The following PITPNM2 variants were observed in gnomAD, a reference collection of about 807,000 sequenced individuals.
PITPNM2 encodes phosphatidylinositol transfer protein membrane associated 2.
PITPNM2 carries 35 observed loss-of-function variants against 132.2 expected under a neutral mutation model. That is an observed-to-expected ratio of 0.26 (90% CI 0.20 to 0.35). PITPNM2 has a LOEUF of 0.35. Among genes scored for constraint, PITPNM2 ranks in the 10% least tolerant of loss-of-function variants. The probability of loss-of-function intolerance (pLI) is 1.00; values close to 1 mark genes in which losing one functional copy is unlikely to be tolerated. For synonymous variants in PITPNM2, 738 were observed against 799.2 expected, an observed-to-expected ratio of 0.92 and a Z score of 1.29; for missense variants, 1,332 against 1,912.0, an observed-to-expected ratio of 0.70 and a Z score of 5.66.
In PITPNM2 at chr12:122,988,772, G is replaced by A. The variant is rs758427871; in HGVS notation, c.2832C>T (p.His944=). 10 of 1,578,334 alleles carry A rather than the reference G, an allele frequency of 6.3e-6. No homozygotes were observed. The highest frequency in any genetic ancestry group is 2.7e-5 in the African/African-American group (2 of 74,338). ...CGTCTGTTGACTCCCAGTAGCTGGC[G>A]TGGAAGAGGTGAGGCAGAGCCACCG... ...FPTVALPHLF[H]ASYWESTDVV... Residue 944 remains histidine (H), a synonymous_variant, in exon 19 of 26, where the codon CAC becomes CAT. Transcript: ENST00000320201.
In PITPNM2 at chr12:122,996,754, G is replaced by A; in HGVS notation, c.1629C>T (p.Ile543=). 6.2e-7 allele frequency: 1 copy of A among 1,612,220 alleles called. No individual in the cohort carries two copies. Among genetic ancestry groups the A allele is most frequent in the Non-Finnish European group, 8.5e-7 (1 of 1,179,544 alleles). ...TGAAGGTCATGCCCTCCTGGGACTT[G>A]ATGAAGTCCCCATAGGCAAGGTTGG... ...QRANLAYGDF[I]KSQEGMTFNG... The change falls in exon 12 of 26, where the codon ATC becomes ATT. Residue 543 remains isoleucine, a synonymous_variant. Coordinates refer to ENST00000320201, the MANE Select transcript of PITPNM2 (RefSeq NM_020845.3).
chr12:123,103,179 T>C (rs915209459), intron 2 of PITPNM2, among the ~76,000 whole-genome samples: 13 of 152,192 alleles, frequency 8.5e-5, no homozygotes, highest in African/African-American at 3.1e-4. Flanking sequence ...GAGAAGTTGT[T>C]TTAGTGACTG....
chr12:123,131,334 G>C (rs2043257271), intron 1 of PITPNM2, among the ~76,000 whole-genome samples: 1 of 152,174 alleles, frequency 6.6e-6, no homozygotes, highest in South Asian at 2.1e-4. Context: ...GTGTCTTCAA[G>C]TCAAGGAATG....
At position 123,150,524 on chromosome 12, in the gene PITPNM2, A is replaced by G. The variant is rs759885783; in HGVS notation, c.-200+229T>C. Among the ~76,000 whole-genome samples, 4 of 151,836 alleles carry G rather than the reference A, an allele frequency of 2.6e-5. No individual in the cohort carries two copies. The highest frequency in any genetic ancestry group is 5.9e-5 in the Non-Finnish European group (4 of 67,926). ...GGCACGGATCCAGGGCCGGCGACTC[A>G]CTGAGGCCAGGCTCGGGCGGTCTCC... On this transcript the variant is annotated intron_variant, in intron 1 of 25. Transcript: ENST00000320201. This position sits in a 1 kb window ranked among gnomAD's most constrained non-coding sequence, Gnocchi z 6.0.
intron 16 of PITPNM2, chr12:122,991,717 C>T (rs771424502): frequency 1.9e-5 from 24 of 1,293,572 alleles, no homozygotes; most frequent in East Asian, 2.8e-5. Flanking sequence ...GGTCAACCAA[C>T]GAAGCAGACG....
At chr12:123,055,891 G>GAC (rs34425339) in intron 2 of PITPNM2, among the ~76,000 whole-genome samples, 4,972 of 148,976 alleles carry the variant, frequency 0.033, 209 homozygotes, top group African/African-American at 0.1. Flanking sequence ...ATAGTTTGAA[G>GAC]ACACACACAC....
chr12:123,000,458 G>A lies in PITPNM2; in HGVS notation c.1224+320C>T, dbSNP rs776966947. On this transcript the variant is annotated intron_variant, in intron 10 of 25. Transcript: ENST00000320201. This position sits in a 1 kb window ranked among gnomAD's most constrained non-coding sequence, Gnocchi z 5.4. Reference sequence around the variant, plus strand: ...GGGACAGCAGACAGGCTGGGCACAAGGTGAAGATCTTATTTTTGATCTGGA... The same window carrying A: ...GGGACAGCAGACAGGCTGGGCACAAAGTGAAGATCTTATTTTTGATCTGGA... The A allele has an allele frequency of 4.3e-6, 3 of 702,870 alleles. No homozygotes were observed. Among genetic ancestry groups the A allele is most frequent in the South Asian group, 3.0e-5 (2 of 67,588 alleles). The allele number at this position is 702,870 out of a possible 1,614,324, so 43.5% of individuals were successfully genotyped here.
chr12:123,084,100 G>T (rs928305927), intron 2 of PITPNM2: 2 of 152,382 alleles, frequency 1.3e-5, no homozygotes, highest in Non-Finnish European at 2.9e-5. Context: ...CTAAAGAGAG[G>T]GCAGCAGCTG....
At chr12:123,070,563 A>G (rs1187705225) in intron 2 of PITPNM2, among the ~76,000 whole-genome samples, 1 of 152,204 alleles carries the variant, frequency 6.6e-6, no homozygotes, top group Non-Finnish European at 1.5e-5. Flanking sequence ...GAGTCTGGGA[A>G]GCAGGCGATG....
At chr12:123,129,222 G>A (rs925665391) in intron 1 of PITPNM2, among the ~76,000 whole-genome samples, 8 of 151,750 alleles carry the variant, frequency 5.3e-5, no homozygotes, top group South Asian at 2.1e-4. Context: ...AATCCCTTAA[G>A]CCCAGGAGTT....
chr12:123,105,316 A>C (rs2042681845), intron 2 of PITPNM2: 1 of 152,184 alleles, frequency 6.6e-6, no homozygotes, highest in Non-Finnish European at 1.5e-5. Context: ...ACATTTTATC[A>C]CGTCTTTATG....
At chr12:123,067,736 T>C (rs1483976168) in intron 2 of PITPNM2, among the ~76,000 whole-genome samples, 1 of 152,196 alleles carries the variant, frequency 6.6e-6, no homozygotes, top group Non-Finnish European at 1.5e-5. Context: ...GTTTAGGCCA[T>C]GCAGTTTGTG....
chr12:123,124,346 C>T (rs2043093911), intron 1 of PITPNM2, among the ~76,000 whole-genome samples: 1 of 152,020 alleles, frequency 6.6e-6, no homozygotes, highest in Non-Finnish European at 1.5e-5. Context: ...GCAGGAGAAT[C>T]ACTTGAACCC....
At position 123,146,252 on chromosome 12, in the gene PITPNM2, C is replaced by A. The variant is rs2043616047; in HGVS notation, c.-200+4501G>T. 2.0e-5 allele frequency among the ~76,000 whole-genome samples: 3 copies of A among 152,212 alleles called. No individual in the cohort carries two copies. In the South Asian group the frequency reaches 6.2e-4, roughly 32 times the overall value. ...TGAAATGATCTGTATAACAAGCCCT[C>A]ATGACACAAGTCTACCGACACAACA... is the stretch of plus-strand genomic sequence containing the variant. On this transcript the variant is annotated intron_variant, in intron 1 of 25. Coordinates refer to ENST00000320201, the MANE Select transcript of PITPNM2 (RefSeq NM_020845.3).
intron 1 of PITPNM2, among the ~76,000 whole-genome samples, chr12:123,136,904 T>A (rs1254175034): frequency 6.6e-6 from 1 of 152,064 alleles, no homozygotes; most frequent in Non-Finnish European, 1.5e-5. Context: ...AAAAAAATAA[T>A]AATAATAATT....
chr12:123,141,211 T>C (rs1338874796), intron 1 of PITPNM2, among the ~76,000 whole-genome samples: 1 of 152,092 alleles, frequency 6.6e-6, no homozygotes, highest in African/African-American at 2.4e-5. Flanking sequence ...ACACAAAAAA[T>C]GAAAGCACTG....
intron 2 of PITPNM2, among the ~76,000 whole-genome samples, chr12:123,085,328 C>T (rs1318791972): frequency 2.0e-5 from 3 of 152,172 alleles, no homozygotes; most frequent in Non-Finnish European, 4.4e-5. Context: ...GCACACAGTG[C>T]TGACATCCCC....
intron 2 of PITPNM2, among the ~76,000 whole-genome samples, chr12:123,059,934 G>A (rs913565030): frequency 6.6e-6 from 1 of 152,112 alleles, no homozygotes; most frequent in African/African-American, 2.4e-5. Context: ...ATATGCCACC[G>A]AATTGTGCAC....
At chr12:123,081,504 C>G (rs1403160527) in intron 2 of PITPNM2, 1 of 152,292 alleles carries the variant, frequency 6.6e-6, no homozygotes, top group East Asian at 1.9e-4. Flanking sequence ...TGGAGCTGGG[C>G]ACTCAGGGAG....
Sources: allele counts gnomAD v4.1 joint callset (sites outside exome capture counted in the v4.1 genomes callset), GRCh38; gene constraint gnomAD v4.1.1; non-coding constraint Gnocchi (gnomAD v3.1); transcripts MANE v1.5; gene names NCBI Gene and HGNC (gene_info 2026-07-23, HGNC 2026-07-21).